The following CENPN variants were observed in gnomAD, a reference collection of about 807,000 sequenced individuals.
CENPN encodes the protein centromere protein N.
Under a neutral mutation model 48.6 loss-of-function variants are expected in CENPN, and 36 were observed. The ratio of observed to expected loss-of-function variants is 0.74; its 90% CI spans 0.57 to 0.98. The LOEUF (loss-of-function observed/expected upper bound fraction) is 0.98, where lower values mean the gene tolerates loss of function less well. Ranked by LOEUF, CENPN falls within the 50% of genes least tolerant of loss-of-function variation. The pLI is 0.00. For missense variants in CENPN, 439 were observed against 399.2 expected (o/e 1.10, Z -0.85); for synonymous variants, 166 against 135.2 (o/e 1.23, Z -1.58).
At chr16:81,027,576 C>G (rs1970565218) in intron 9 of CENPN, among the ~76,000 whole-genome samples, 1 of 152,214 alleles carries the variant, frequency 6.6e-6, no homozygotes, top group Non-Finnish European at 1.5e-5. Flanking sequence ...ACTAATTTTC[C>G]ATTAAGAATG....
downstream of CENPN, among the ~76,000 whole-genome samples, chr16:81,031,776 T>C (rs1376926481): frequency 6.6e-6 from 1 of 152,194 alleles, no homozygotes; most frequent in Non-Finnish European, 1.5e-5. Flanking sequence ...CTAATTTTTG[T>C]ATTTTTAGTA....
intron 8 of CENPN, among the ~76,000 whole-genome samples, chr16:81,025,680 A>C (rs1970432622): frequency 3.6e-5 from 5 of 137,596 alleles, no homozygotes; most frequent in East Asian, 2.1e-4. Flanking sequence ...ACATAGTGAG[A>C]CCCTGTCTCT....
chr16:81,019,911 T>C (rs1970103072), intron 5 of CENPN, among the ~76,000 whole-genome samples, 189 bp from the exon 6 acceptor site: 1 of 151,484 alleles, frequency 6.6e-6, no homozygotes, highest in African/African-American at 2.4e-5. Context: ...GATTTTTTTT[T>C]TTTAAAATCA....
intron 5 of CENPN, among the ~76,000 whole-genome samples, 173 bp downstream of exon 5, chr16:81,018,007 CCT>C (rs1970004702): frequency 6.6e-6 from 1 of 151,992 alleles, no homozygotes; most frequent in African/African-American, 2.4e-5. Flanking sequence ...ACTTCCCTTT[CCT>C]CTCTCCTGTC....
In CENPN at chr16:81,022,587, T is replaced by G; in HGVS notation, c.532-10T>G. ...ATCCTAGTAATAGTCTTGCAAATTTTCATTTCAAGGCGCTGACAATTGCTA... is the reference window on the plus strand; with the variant it reads ...ATCCTAGTAATAGTCTTGCAAATTTGCATTTCAAGGCGCTGACAATTGCTA... On this transcript the variant is annotated splice_polypyrimidine_tract_variant and intron_variant, in intron 6 of 10. Coordinates refer to ENST00000305850, the MANE Select transcript of CENPN (RefSeq NM_001100624.3). 6.2e-7 allele frequency: 1 copy of G among 1,613,290 alleles called. No homozygotes were observed. The highest frequency in any genetic ancestry group is 8.5e-7 in the Non-Finnish European group (1 of 1,179,340).
At chr16:81,025,577 G>A (rs1283689471) in intron 8 of CENPN, among the ~76,000 whole-genome samples, 1 of 152,018 alleles carries the variant, frequency 6.6e-6, no homozygotes, top group African/African-American at 2.4e-5. Context: ...CATAGGTGAG[G>A]CTAGGAACAA....
chr16:81,017,648 A>G (rs1969988313), intron 4 of CENPN, 110 bp from the exon 5 acceptor site: 2 of 802,354 alleles, frequency 2.5e-6, no homozygotes, highest in African/African-American at 1.8e-5. Context: ...TTTGATCATT[A>G]TTACTCTGGA....
Position 81,010,876 on chromosome 16 carries a change from C to CTCTT in CENPN, c.-10-1053_-10-1050dup, listed in dbSNP as rs1218690814. Among the ~76,000 whole-genome samples the CTCTT allele has an allele frequency of 2.0e-5, 3 of 152,298 alleles. No individual in the cohort carries two copies. In the East Asian group the frequency reaches 5.8e-4, roughly 29 times the overall value. On this transcript the variant is annotated intron_variant, in intron 1 of 10. Transcript: ENST00000305850. ...CTTAAAAGTGTATCCAGAACCTGAC[C>CTCTT]TCTTCCCCTGCCTCACTAACCTCCA...
downstream of CENPN, chr16:81,032,771 A>G: frequency 1.4e-6 from 2 of 1,422,048 alleles, no homozygotes; most frequent in Non-Finnish European, 1.9e-6. Context: ...GCTAACTGCT[A>G]TAGACTAATG....
chr16:81,026,063 A>ATG (rs1326309670), intron 8 of CENPN, among the ~76,000 whole-genome samples: 11 of 41,516 alleles, frequency 2.6e-4, no homozygotes, highest in African/African-American at 6.2e-4. Context: ...ATATATATAT[A>ATG]TATATATGTG....
intron 1 of CENPN, among the ~76,000 whole-genome samples, chr16:81,009,240 C>G (rs557712280): frequency 6.6e-6 from 1 of 152,276 alleles, no homozygotes; most frequent in South Asian, 2.1e-4. Context: ...AAACAATTAG[C>G]AGTGGAGAGT....
intron 6 of CENPN, chr16:81,020,598 A>G (rs1305231213): frequency 4.9e-6 from 1 of 204,330 alleles, no homozygotes; most frequent in Non-Finnish European, 9.7e-6. Context: ...GGAACATGGC[A>G]TAAGATATTA....
Position 81,017,809 on chromosome 16 carries a change from A to G in CENPN, c.329A>G (p.Lys110Arg). 1 of 1,581,802 alleles carries G rather than the reference A, an allele frequency of 6.3e-7. No individual in the cohort carries two copies. ...AAACAATTTAAAAATTCGTTCAAGA[A>G]AATTCTTCAGAGAGCATTAAAAAAT... ...DMKQFKNSFK[K>R]ILQRALKNVT... The change falls in exon 5 of 11, where the codon AAA becomes AGA. Residue 110 changes from lysine (K) to arginine (R), a missense_variant. Physicochemically the swap from Lys to Arg is conservative, Grantham distance 26. Coordinates refer to ENST00000305850, the MANE Select transcript of CENPN (RefSeq NM_001100624.3).
chr16:81,024,172 C>G (rs1008311638), intron 7 of CENPN: 1 of 151,506 alleles, frequency 6.6e-6, no homozygotes, highest in Non-Finnish European at 1.5e-5. Flanking sequence ...CCCAGGGAGA[C>G]TGAGGCTGCA....
Position 81,025,689 on chromosome 16 carries a change from C to CTTT in CENPN, c.698-836_698-835insTTT, listed in dbSNP as rs761078576. 2.1e-4 allele frequency among the ~76,000 whole-genome samples: 29 copies of CTTT among 135,228 alleles called. 9 individuals carry two copies. Among genetic ancestry groups the CTTT allele is most frequent in the African/African-American group, 7.9e-4 (27 of 34,028 alleles). The allele number at this position is 135,228 out of a possible 152,430, so 88.7% of individuals were successfully genotyped here. On this transcript the variant is annotated intron_variant, in intron 8 of 10. Transcript: ENST00000305850. ...TGGGCAACATAGTGAGACCCTGTCT[C>CTTT]TCTTTTTTTTTTTTTTTTTTTTTTT...
chr16:81,024,591 T>C (rs1970375630), intron 7 of CENPN, 124 bp from the exon 8 acceptor site: 1 of 541,698 alleles, frequency 1.8e-6, no homozygotes, highest in Admixed American at 3.6e-5. Flanking sequence ...AGCCAGGATA[T>C]GGCTTTGGAT....
chr16:81,021,529 C>A (rs904122331), intron 6 of CENPN, among the ~76,000 whole-genome samples: 16 of 152,178 alleles, frequency 1.1e-4, no homozygotes, highest in African/African-American at 3.9e-4. Flanking sequence ...AAGGACTCCA[C>A]TGTTGTGACC....
At chr16:81,010,034 A>C (rs60854214) in intron 1 of CENPN, among the ~76,000 whole-genome samples, 1 of 152,268 alleles carries the variant, frequency 6.6e-6, no homozygotes, top group African/African-American at 2.4e-5. Context: ...CCATGTCTCT[A>C]CTAAAGATAC....
chr16:81,020,174 G>A lies in CENPN; in HGVS notation c.429G>A (p.Lys143=), dbSNP rs1471825600. The A allele has an allele frequency of 1.2e-6, 2 of 1,613,494 alleles. No homozygotes were observed. Among genetic ancestry groups the A allele is most frequent in the Admixed American group, 1.7e-5 (1 of 59,904 alleles). ...IRIAWGTQYT[K]PNQYKPTYVV... ...TTGCCTGGGGAACACAGTACACAAA[G>A]CCAAACCAGTACAAACCTACCTACG... The change falls in exon 6 of 11, where the codon AAG becomes AAA. Residue 143 remains lysine, a synonymous_variant. Transcript: ENST00000305850.
Sources: allele counts gnomAD v4.1 joint callset (sites outside exome capture counted in the v4.1 genomes callset), GRCh38; gene constraint gnomAD v4.1.1; transcripts MANE v1.5; gene names NCBI Gene and HGNC (gene_info 2026-07-23, HGNC 2026-07-21).